Variants in FIP1L1 observed in about 807,000 individuals in gnomAD.
FIP1L1 encodes the protein pre-mRNA 3'-end-processing factor FIP1.
In FIP1L1, 21 loss-of-function variants were observed where a neutral mutation model predicts 84.6. The observed-to-expected ratio is 0.25, with a 90% CI of 0.18 to 0.36. The LOEUF (loss-of-function observed/expected upper bound fraction) is 0.36. FIP1L1 is among the 10% of genes least tolerant of loss of function. The pLI is 1.00. For missense variants in FIP1L1, 526 were observed against 751.1 expected (o/e 0.70, Z 3.50); for synonymous variants, 263 against 242.3 (o/e 1.09, Z -0.80).
chr4:53,433,595 T>C (rs527733516), intron 13 of FIP1L1, among the ~76,000 whole-genome samples: 3 of 152,302 alleles, frequency 2.0e-5, no homozygotes, highest in Admixed American at 6.5e-5. Flanking sequence ...TATGAACTCT[T>C]ATCAGCCTCA....
chr4:53,440,776 T>C (rs761837461), intron 13 of FIP1L1: 25 of 597,046 alleles, frequency 4.2e-5, no homozygotes, highest in Admixed American at 2.2e-4. Context: ...TTGATTAAGA[T>C]ATTTAGTTTT....
chr4:53,406,857 C>T (rs1304325530), intron 10 of FIP1L1, among the ~76,000 whole-genome samples: 7 of 152,068 alleles, frequency 4.6e-5, no homozygotes, highest in Non-Finnish European at 8.8e-5. Flanking sequence ...GTGGTGATAT[C>T]CCCTTTGTCA....
Position 53,443,633 on chromosome 4 carries a change from A to G in FIP1L1, c.1230-415A>G, listed in dbSNP as rs1269233675. ...TAGTTTTATTGAGTGTCTGTTAGAC[A>G]CATTTATTTTCTCAGTCAAAATGTT... is the stretch of plus-strand genomic sequence containing the variant. On this transcript the variant is annotated intron_variant, in intron 14 of 17. Coordinates refer to ENST00000337488, the MANE Select transcript of FIP1L1 (RefSeq NM_030917.4). Among the ~76,000 whole-genome samples the G allele has an allele frequency of 2.6e-5, 4 of 152,170 alleles. No homozygotes were observed. In the East Asian group the frequency reaches 7.7e-4, roughly 29 times the overall value.
rs761929972 is a variant in FIP1L1, at chr4:53,377,865, A to C, written c.27A>C (p.Leu9=). The change falls in exon 1 of 18, where the codon CTA becomes CTC. Residue 9 remains leucine, a synonymous_variant. Transcript: ENST00000337488. The part of the protein sequence containing the change: MSAGEVER[L]VSELSGGTGG... Reference sequence around the variant, plus strand: ...TGTCGGCCGGCGAGGTCGAGCGCCTAGTGTCGGAGCTGAGCGGCGGGACCG... The same window carrying C: ...TGTCGGCCGGCGAGGTCGAGCGCCTCGTGTCGGAGCTGAGCGGCGGGACCG... 1 of 1,599,250 alleles carries C rather than the reference A, an allele frequency of 6.3e-7. No individual in the cohort carries two copies. The highest frequency in any genetic ancestry group is 8.5e-7 in the Non-Finnish European group (1 of 1,172,984).
Position 53,460,633 on chromosome 4 carries a change from T to A in FIP1L1, c.*1184T>A. The A allele has an allele frequency of 3.0e-6, 1 of 330,064 alleles. No homozygotes were observed. The highest frequency in any genetic ancestry group is 5.7e-5 in the South Asian group (1 of 17,644). 20.4% of individuals were successfully genotyped at this position (330,064 alleles called of 1,614,324 possible). A position where few individuals can be genotyped will look rare whatever the true frequency, so the allele number is the denominator to read the frequency against. ...ATTCAGTGGGGTATACAAATCATTTTAGTTGTTTTAGGGCTTTTTATTGAA... is the reference window on the plus strand; with the variant it reads ...ATTCAGTGGGGTATACAAATCATTTAAGTTGTTTTAGGGCTTTTTATTGAA... On this transcript the variant is annotated 3_prime_UTR_variant, in exon 18 of 18. Coordinates refer to ENST00000337488, the MANE Select transcript of FIP1L1 (RefSeq NM_030917.4).
intron 10 of FIP1L1, among the ~76,000 whole-genome samples, chr4:53,409,319 G>C (rs964999497): frequency 6.6e-6 from 1 of 152,184 alleles, no homozygotes; most frequent in African/African-American, 2.4e-5. Context: ...GGATTTTCGT[G>C]AACCGCGAAT....
intron 15 of FIP1L1, among the ~76,000 whole-genome samples, chr4:53,451,433 T>G (rs950963103): frequency 1.3e-5 from 2 of 152,012 alleles, no homozygotes; most frequent in African/African-American, 4.8e-5. Context: ...AGTCAGTCCC[T>G]TTTTATTACT....
chr4:53,394,546 T>C (rs1298224941), intron 9 of FIP1L1, among the ~76,000 whole-genome samples: 1 of 152,190 alleles, frequency 6.6e-6, no homozygotes, highest in Non-Finnish European at 1.5e-5. Context: ...GCTGGAGCTT[T>C]TAATTTCTGA....
chr4:53,393,764 G>GCCCCCCC (rs35029503), intron 9 of FIP1L1, among the ~76,000 whole-genome samples: 18 of 87,950 alleles, frequency 2.0e-4, no homozygotes, highest in Admixed American at 3.1e-4. Context: ...TTTCCCCCCG[G>GCCCCCCC]CCCCCCCCCC....
chr4:53,377,965 C>A, intron 1 of FIP1L1, 42 bp downstream of exon 1: 1 of 1,497,406 alleles, frequency 6.7e-7, no homozygotes. Context: ...TCTCTCAGGC[C>A]TCCCCTCTTG....
chr4:53,451,904 G>A (rs1226023124), intron 15 of FIP1L1, among the ~76,000 whole-genome samples: 3 of 141,076 alleles, frequency 2.1e-5, no homozygotes, highest in African/African-American at 8.2e-5. Flanking sequence ...TTTTTTTTGA[G>A]ATAGAGCCTC....
At chr4:53,406,637 C>G (rs1264461817) in intron 10 of FIP1L1, among the ~76,000 whole-genome samples, 2 of 152,110 alleles carry the variant, frequency 1.3e-5, no homozygotes, top group Non-Finnish European at 2.9e-5. Context: ...TCCATCTGGT[C>G]CTGGACTCTT....
At chr4:53,390,131 G>C (rs1481119726) in intron 6 of FIP1L1, among the ~76,000 whole-genome samples, 1 of 152,066 alleles carries the variant, frequency 6.6e-6, no homozygotes, top group Non-Finnish European at 1.5e-5. Flanking sequence ...GTAGAGACCA[G>C]GTCTCACCAT....
At chr4:53,459,190 A>C in intron 17 of FIP1L1, 112 bp from the exon 18 acceptor site, 1 of 729,380 alleles carries the variant, frequency 1.4e-6, no homozygotes, top group Non-Finnish European at 2.2e-6. Context: ...AAAATGCATT[A>C]GATTATTTTA....
chr4:53,406,147 G>A (rs1321368198), intron 10 of FIP1L1, among the ~76,000 whole-genome samples: 1 of 152,146 alleles, frequency 6.6e-6, no homozygotes, highest in Non-Finnish European at 1.5e-5. Flanking sequence ...CTGTGGGTTT[G>A]TTATAGATAG....
Position 53,460,383 on chromosome 4 carries a change from A to T in FIP1L1, c.*934A>T, listed in dbSNP as rs17657105. 0.13 allele frequency: 23,804 copies of T among 189,276 alleles called. 1,599 individuals are homozygous for T. The highest frequency in any genetic ancestry group is 0.15 in the Non-Finnish European group (13,445 of 90,360). The allele number at this position is 189,276 out of a possible 1,614,324, so 11.7% of individuals were successfully genotyped here. A position where few individuals can be genotyped will look rare whatever the true frequency, so the allele number is the denominator to read the frequency against. On this transcript the variant is annotated 3_prime_UTR_variant, in exon 18 of 18. Coordinates refer to ENST00000337488, the MANE Select transcript of FIP1L1 (RefSeq NM_030917.4). ...AAATAACATGGTATTTGAAAGAATAAATTACTAGGATCTTTTAAATAGTGA... is the reference window on the plus strand; with the variant it reads ...AAATAACATGGTATTTGAAAGAATATATTACTAGGATCTTTTAAATAGTGA...
At position 53,384,263 on chromosome 4, in the gene FIP1L1, G is replaced by A. The variant is rs553358839; in HGVS notation, c.332+387G>A. On this transcript the variant is annotated intron_variant, in intron 5 of 17. Transcript: ENST00000337488. ...ATCTCTACTAAAAATACAATAATTA[G>A]CCAGGCATGGTGGTGGGCACCTGTA... Among the ~76,000 whole-genome samples the A allele has an allele frequency of 3.3e-5, 5 of 152,070 alleles. No individual in the cohort carries two copies. The South Asian group carries it at 1.0e-3, about 32-fold the overall frequency.
intron 5 of FIP1L1, among the ~76,000 whole-genome samples, chr4:53,384,231 A>G (rs1009745938): frequency 2.6e-5 from 4 of 152,086 alleles, no homozygotes; most frequent in African/African-American, 9.7e-5. Context: ...CAGCATGGTG[A>G]AACCTTATCT....
At chr4:53,380,349 C>G (rs576961760) in intron 3 of FIP1L1, among the ~76,000 whole-genome samples, 1 of 152,238 alleles carries the variant, frequency 6.6e-6, no homozygotes, top group African/African-American at 2.4e-5. Context: ...ATGAACCTTA[C>G]AAATGTGGAA....
Sources: gnomAD v4.1 joint callset for allele counts (sites outside exome capture counted in the v4.1 genomes callset) on GRCh38, gnomAD v4.1.1 for gene constraint, MANE v1.5 for transcripts, NCBI Gene and HGNC (gene_info 2026-07-23, HGNC 2026-07-21) for gene names.